Variants in FGF13 observed in about 807,000 individuals in gnomAD.
FGF13 encodes fibroblast growth factor 13.
A neutral mutation model predicts 19.5 loss-of-function variants in FGF13; 2 were observed. That is an observed-to-expected ratio of 0.10 (90% confidence interval 0.04 to 0.32). FGF13 has a LOEUF of 0.32. Ranked by LOEUF, FGF13 falls within the 10% of genes least tolerant of loss-of-function variation. The pLI, the probability that FGF13 is intolerant of heterozygous loss-of-function variation, is 1.00. For synonymous variants in FGF13, 72 were observed against 76.9 expected, an observed-to-expected ratio of 0.94 and a Z score of 0.33; for missense variants, 113 against 192.7, an observed-to-expected ratio of 0.59 and a Z score of 2.45.
chrX:138,828,182 T>C (rs930844922), intron 3 of FGF13, among the ~76,000 whole-genome samples: 2 of 112,188 alleles, frequency 1.8e-5, no homozygotes, highest in Non-Finnish European at 3.8e-5. Flanking sequence ...GCAACCCAAA[T>C]GTCTTTAACC....
chrX:139,198,015 AAAAG>A (rs1248888520), intron 1 of FGF13, among the ~76,000 whole-genome samples: 1 of 107,324 alleles, frequency 9.3e-6, no homozygotes, highest in Non-Finnish European at 1.9e-5. Context: ...AAAAAAAAAA[AAAAG>A]AATAAAATAA....
At chrX:138,921,401 C>T (rs939138141) in intron 1 of FGF13, among the ~76,000 whole-genome samples, 6 of 111,743 alleles carry the variant, frequency 5.4e-5, no homozygotes, top group Non-Finnish European at 1.1e-4. Flanking sequence ...AGGTTATTTG[C>T]ATATTTATTA....
rs777325170 is a variant in FGF13 at position 138,717,087 on chromosome X, C to T, written c.29-8159G>A. Among the ~76,000 whole-genome samples the T allele has an allele frequency of 1.0e-3, 112 of 112,204 alleles. 1 individual carries two copies. The highest frequency in any genetic ancestry group is 2.5e-3 in the African/African-American group (77 of 30,883). On this transcript the variant is annotated intron_variant, in intron 1 of 4. Transcript: ENST00000305414. The stretch of plus-strand genomic sequence containing the variant: ...ATTTATGAACATTAAAGCCATAAAA[C>T]GCCCTGATGGTATTAATCATGTCTG...
intron 3 of FGF13, among the ~76,000 whole-genome samples, chrX:138,697,457 G>A (rs775660964): frequency 4.6e-5 from 5 of 109,535 alleles, no homozygotes; most frequent in African/African-American, 1.7e-4. Context: ...ACTGCTTTCT[G>A]GTCTTGCATC....
upstream of FGF13, among the ~76,000 whole-genome samples, chrX:138,712,705 G>T (rs1602736048): frequency 8.9e-6 from 1 of 111,792 alleles, no homozygotes; most frequent in South Asian, 3.8e-4. Context: ...CTTGATTTCT[G>T]AGGCCAACTA....
At chrX:138,708,773 G>T in intron 2 of FGF13, 45 bp downstream of exon 2, 1 of 844,581 alleles carries the variant, frequency 1.2e-6, no homozygotes, top group Non-Finnish European at 1.7e-6. Flanking sequence ...AAAACAGAAT[G>T]TTAACAACAT....
chrX:138,631,057 T>C lies in FGF13; in HGVS notation c.*1793A>G, dbSNP rs1253092910. ...AGTTCTACTAAATGCCTATTGCTTC[T>C]GTACCACTGTAAAGCCCCCGAAAAA... is the stretch of plus-strand genomic sequence containing the variant. On this transcript the variant is annotated 3_prime_UTR_variant, in exon 5 of 5. Coordinates refer to ENST00000315930, the MANE Select transcript of FGF13 (RefSeq NM_004114.5). 4.5e-5 allele frequency: 5 copies of C among 111,729 alleles called. No individual in the cohort carries two copies. In the Admixed American group the frequency reaches 4.8e-4, roughly 11 times the overall value. The allele number at this position is 111,729 out of a possible 1,213,427, so 9.2% of individuals were successfully genotyped here.
At chrX:139,011,852 G>C (rs1206578729) in intron 1 of FGF13, among the ~76,000 whole-genome samples, 1 of 111,561 alleles carries the variant, frequency 9.0e-6, no homozygotes, top group Admixed American at 9.5e-5. Context: ...AGTCAGACAA[G>C]AGAAAGAAAT....
At chrX:138,769,091 C>T (rs779467303) in intron 3 of FGF13, among the ~76,000 whole-genome samples, 1 of 111,278 alleles carries the variant, frequency 9.0e-6, no homozygotes, top group East Asian at 2.8e-4. Context: ...GACCTATTCA[C>T]ATATATAGCA....
intron 1 of FGF13, among the ~76,000 whole-genome samples, chrX:139,011,217 T>C (rs762461347): frequency 1.1e-4 from 12 of 110,412 alleles, no homozygotes; most frequent in Non-Finnish European, 2.1e-4. Context: ...CTGAATTCTA[T>C]CAGACATTCA....
chrX:139,094,473 C>A (rs2083457981), intron 1 of FGF13, among the ~76,000 whole-genome samples: 1 of 111,413 alleles, frequency 9.0e-6, no homozygotes, highest in African/African-American at 3.3e-5. Flanking sequence ...AGAGGAGTTG[C>A]ATACAGTTGA....
chrX:138,786,245 TC>T (rs1190788537), intron 3 of FGF13, among the ~76,000 whole-genome samples: 6 of 111,266 alleles, frequency 5.4e-5, no homozygotes, highest in Non-Finnish European at 1.1e-4. Context: ...AAATCCAAAC[TC>T]CTTTTTCTGC....
chrX:138,715,099 G>T (rs1325104157), upstream of FGF13, among the ~76,000 whole-genome samples: 1 of 111,787 alleles, frequency 8.9e-6, no homozygotes, highest in Non-Finnish European at 1.9e-5. Flanking sequence ...CTAAGGTAGG[G>T]TCTATTCTCC....
chrX:138,619,826 G>T lies in FGF13; in HGVS notation c.*13024C>A, dbSNP rs1329339463. On this transcript the variant is annotated 3_prime_UTR_variant, in exon 5 of 5. Coordinates refer to ENST00000315930, the MANE Select transcript of FGF13 (RefSeq NM_004114.5). Reference sequence around the variant, plus strand: ...AAAAGTCAAAAAATGACAGATGCTGGCAAGGTTGCAGAGAAATAGGAACAC... The same window carrying T: ...AAAAGTCAAAAAATGACAGATGCTGTCAAGGTTGCAGAGAAATAGGAACAC... 1 of 111,962 alleles carries T rather than the reference G, an allele frequency of 8.9e-6. No homozygotes were observed. Among genetic ancestry groups the T allele is most frequent in the Non-Finnish European group, 1.9e-5 (1 of 53,212 alleles). 9.2% of individuals were successfully genotyped at this position (111,962 alleles called of 1,213,427 possible).
intron 3 of FGF13, among the ~76,000 whole-genome samples, chrX:138,800,664 T>C (rs758383072): frequency 2.7e-5 from 3 of 111,932 alleles, no homozygotes; most frequent in South Asian, 3.8e-4. Context: ...TATCCTGAAG[T>C]GTGTTTTCCA....
chrX:138,857,933 A>C (rs1224899718), intron 2 of FGF13, among the ~76,000 whole-genome samples: 1 of 112,383 alleles, frequency 8.9e-6, no homozygotes, highest in African/African-American at 3.2e-5. Flanking sequence ...TCATACCCAA[A>C]GTGCAAAAAC....
intron 1 of FGF13, among the ~76,000 whole-genome samples, chrX:139,201,996 C>A (rs904116091): frequency 2.7e-5 from 3 of 112,161 alleles, no homozygotes; most frequent in African/African-American, 9.7e-5. Flanking sequence ...TTACTCAATT[C>A]CTACAGAGGT....
chrX:138,711,258 C>T lies in FGF13; in HGVS notation c.-255G>A. On this transcript the variant is annotated 5_prime_UTR_variant, in exon 1 of 5. Transcript: ENST00000315930. The stretch of plus-strand genomic sequence containing the variant: ...TGGGTCGGAGTCGACGCCACAGCCC[C>T]GGGCCCGGGATCGCGGGCGAGACTG... 1 of 916,880 alleles carries T rather than the reference C, an allele frequency of 1.1e-6. No homozygotes were observed. The highest frequency in any genetic ancestry group is 1.3e-6 in the Non-Finnish European group (1 of 758,239). The allele number at this position is 916,880 out of a possible 1,213,427, so 75.6% of individuals were successfully genotyped here. A position where few individuals can be genotyped will look rare whatever the true frequency, so the allele number is the denominator to read the frequency against.
chrX:139,141,880 C>T (rs1238401083), intron 1 of FGF13, among the ~76,000 whole-genome samples: 4 of 112,098 alleles, frequency 3.6e-5, no homozygotes, highest in Admixed American at 9.5e-5. Flanking sequence ...CTGCTAAGGG[C>T]AAGTGCCTTA....
Sources: gnomAD v4.1 joint callset for allele counts (sites outside exome capture counted in the v4.1 genomes callset) on GRCh38, gnomAD v4.1.1 for gene constraint, MANE v1.5 for transcripts, NCBI Gene and HGNC (gene_info 2026-07-23, HGNC 2026-07-21) for gene names.